Variants in TCF12 observed in about 807,000 individuals in gnomAD.
TCF12 encodes transcription factor 12, also known as DNA-binding protein HTF4.
Under a neutral mutation model 86.0 loss-of-function variants are expected in TCF12, and 45 were observed. The observed-to-expected ratio is 0.52, with a 90% CI of 0.41 to 0.67. The LOEUF (loss-of-function observed/expected upper bound fraction) is 0.67, where lower values mean the gene tolerates loss of function less well. Ranked by LOEUF, TCF12 falls within the 30% of genes least tolerant of loss-of-function variation. The pLI is 0.00. For missense variants in TCF12, 881 were observed against 859.9 expected (o/e 1.02, Z -0.31); for synonymous variants, 330 against 299.6 (o/e 1.10, Z -1.05).
At chr15:57,277,891 G>A (rs1360846769) in intron 19 of TCF12, among the ~76,000 whole-genome samples, 1 of 151,892 alleles carries the variant, frequency 6.6e-6, no homozygotes, top group African/African-American at 2.4e-5. Context: ...AGTGAGCTAT[G>A]GTTGTAGCAC....
chr15:57,006,807 T>C (rs919896151), intron 3 of TCF12, among the ~76,000 whole-genome samples: 1 of 151,856 alleles, frequency 6.6e-6, no homozygotes, highest in African/African-American at 2.4e-5. Context: ...TCCCAGCTAC[T>C]TGGGAGGCTG....
At chr15:57,105,575 C>T (rs1008386560) in intron 5 of TCF12, among the ~76,000 whole-genome samples, 3 of 152,042 alleles carry the variant, frequency 2.0e-5, no homozygotes, top group Non-Finnish European at 4.4e-5. Flanking sequence ...CCACACCCAG[C>T]TAATTTTTGT....
intron 4 of TCF12, among the ~76,000 whole-genome samples, chr15:57,086,219 A>ATAATAATAATAATAATAG (rs2048618381): frequency 6.9e-6 from 1 of 144,562 alleles, no homozygotes; most frequent in Admixed American, 6.8e-5. Context: ...GATGATAATA[A>ATAATAATAATAATAATAG]TAATAATAAT....
At chr15:57,206,801 C>A (rs2057838328) in intron 8 of TCF12, among the ~76,000 whole-genome samples, 2 of 150,378 alleles carry the variant, frequency 1.3e-5, no homozygotes, top group South Asian at 4.2e-4. Flanking sequence ...TTTTCCTGTT[C>A]CAACTTTCTG....
intron 5 of TCF12, among the ~76,000 whole-genome samples, chr15:57,096,586 C>G (rs940828861): frequency 6.6e-6 from 1 of 152,042 alleles, no homozygotes; most frequent in African/African-American, 2.4e-5. Context: ...TACTTTAAAT[C>G]ATCTATAACT....
intron 4 of TCF12, among the ~76,000 whole-genome samples, chr15:57,090,135 T>A (rs1364532870): frequency 6.6e-6 from 1 of 152,096 alleles, no homozygotes. Context: ...GGAGGATCAC[T>A]TGAGCCTGGG....
chr15:57,276,400 T>C (rs1437882821), intron 19 of TCF12, among the ~76,000 whole-genome samples: 1 of 152,194 alleles, frequency 6.6e-6, no homozygotes, highest in Admixed American at 6.5e-5. Context: ...TGATATTCAT[T>C]TTAACCCACA....
chr15:56,966,511 C>A (rs2062012179), intron 3 of TCF12, among the ~76,000 whole-genome samples: 1 of 152,092 alleles, frequency 6.6e-6, no homozygotes, highest in South Asian at 2.1e-4. Flanking sequence ...ATGGTTTTTG[C>A]TTTTCTTGTG....
chr15:57,042,424 A>AAT (rs566317263), intron 3 of TCF12, among the ~76,000 whole-genome samples: 1 of 151,938 alleles, frequency 6.6e-6, no homozygotes. Context: ...TTCCTGCTCT[A>AAT]ATATATATAG....
intron 13 of TCF12, chr15:57,248,230 A>G (rs1300537117): frequency 3.1e-6 from 2 of 636,738 alleles, no homozygotes; most frequent in Admixed American, 2.6e-5. Flanking sequence ...TGGTGCCACC[A>G]TGTTTATCTT....
At chr15:56,926,970 C>T (rs1023838568) in intron 3 of TCF12, among the ~76,000 whole-genome samples, 2 of 151,622 alleles carry the variant, frequency 1.3e-5, no homozygotes, top group African/African-American at 4.9e-5. Flanking sequence ...ACTTTGGAGG[C>T]CTTTATGCTA....
At chr15:56,957,330 C>A (rs993818378) in intron 3 of TCF12, among the ~76,000 whole-genome samples, 2 of 152,116 alleles carry the variant, frequency 1.3e-5, no homozygotes, top group African/African-American at 4.8e-5. Flanking sequence ...CTGGGCCTCC[C>A]CCACCTTCAG....
At chr15:57,177,579 C>T (rs908042786) in intron 6 of TCF12, among the ~76,000 whole-genome samples, 1 of 118,670 alleles carries the variant, frequency 8.4e-6, no homozygotes, top group Admixed American at 9.2e-5. Context: ...TCAATAGACA[C>T]TTTTAATGTC....
chr15:57,258,182 G>C (rs928440876), intron 16 of TCF12, among the ~76,000 whole-genome samples: 1 of 152,078 alleles, frequency 6.6e-6, no homozygotes, highest in African/African-American at 2.4e-5. Context: ...TTGTGAGAAA[G>C]AGGTGAGAGG....
intron 3 of TCF12, among the ~76,000 whole-genome samples, chr15:56,987,068 A>G (rs538393989): frequency 1.3e-5 from 2 of 152,240 alleles, no homozygotes; most frequent in East Asian, 1.9e-4. Context: ...ATCTACTTGC[A>G]ACATGCAGTA....
chr15:57,080,283 C>G (rs1001983800), intron 4 of TCF12, among the ~76,000 whole-genome samples: 1 of 152,172 alleles, frequency 6.6e-6, no homozygotes, highest in Admixed American at 6.5e-5. Flanking sequence ...AAAGGGAGTT[C>G]CAGCATTTCA....
At chr15:57,245,843 C>T (rs2059832191) in intron 13 of TCF12, among the ~76,000 whole-genome samples, 1 of 152,126 alleles carries the variant, frequency 6.6e-6, no homozygotes, top group Non-Finnish European at 1.5e-5. Context: ...AAAATACTTT[C>T]ACATACTTGT....
intron 3 of TCF12, among the ~76,000 whole-genome samples, chr15:56,956,356 C>A (rs1410774969): frequency 6.6e-6 from 1 of 151,334 alleles, no homozygotes; most frequent in African/African-American, 2.4e-5. Context: ...ATCTTTATTG[C>A]CTTATTAGAT....
chr15:56,981,677 A>G (rs149361686), intron 3 of TCF12, among the ~76,000 whole-genome samples: 82 of 152,330 alleles, frequency 5.4e-4, no homozygotes, highest in African/African-American at 1.7e-3. Flanking sequence ...GACTCCTCCA[A>G]AACTTAACTA....
Sources: gnomAD v4.1 joint callset for allele counts (sites outside exome capture counted in the v4.1 genomes callset) on GRCh38, gnomAD v4.1.1 for gene constraint, MANE v1.5 for transcripts, NCBI Gene and HGNC (gene_info 2026-07-23, HGNC 2026-07-21) for gene names.